Variants in JAZF1 observed in about 807,000 individuals in gnomAD.
The protein encoded by JAZF1 is JAZF zinc finger 1.
Under a neutral mutation model 26.4 loss-of-function variants are expected in JAZF1, and 8 were observed. The ratio of observed to expected loss-of-function variants is 0.30; its 90% CI spans 0.18 to 0.55. JAZF1 has a LOEUF of 0.55. Ranked by LOEUF, JAZF1 falls within the 20% of genes least tolerant of loss-of-function variation. JAZF1 has a pLI of 0.94. For missense variants in JAZF1, 199 were observed against 322.0 expected, an observed-to-expected ratio of 0.62 and a Z score of 2.92; for synonymous variants, 126 against 122.3, an observed-to-expected ratio of 1.03 and a Z score of -0.20.
intron 1 of JAZF1, among the ~76,000 whole-genome samples, chr7:28,109,343 T>C (rs1281766115): frequency 6.6e-6 from 1 of 152,174 alleles, no homozygotes; most frequent in Non-Finnish European, 1.5e-5. Context: ...TCACTTTTAA[T>C]TCATCAGTGA....
chr7:28,148,835 C>A (rs751419754), intron 1 of JAZF1, among the ~76,000 whole-genome samples: 3 of 152,206 alleles, frequency 2.0e-5, no homozygotes, highest in Non-Finnish European at 2.9e-5. Flanking sequence ...AGGCAGGATT[C>A]ACTGATTCAC....
At chr7:28,140,175 C>T (rs1782942409) in intron 1 of JAZF1, among the ~76,000 whole-genome samples, 1 of 151,764 alleles carries the variant, frequency 6.6e-6, no homozygotes. Flanking sequence ...CTTCAGCTCC[C>T]CGGTTCCAGC....
At chr7:27,948,337 G>C (rs564979163) in intron 2 of JAZF1, among the ~76,000 whole-genome samples, 10 of 152,256 alleles carry the variant, frequency 6.6e-5, no homozygotes, top group African/African-American at 2.4e-4. Context: ...TGTGGCATTT[G>C]GTAAAATTTA....
At chr7:27,852,589 G>A (rs954631450) in intron 3 of JAZF1, among the ~76,000 whole-genome samples, 6 of 152,182 alleles carry the variant, frequency 3.9e-5, no homozygotes, top group Non-Finnish European at 7.3e-5. Context: ...GACCAACACA[G>A]TGTTGGCCAG....
intron 1 of JAZF1, among the ~76,000 whole-genome samples, chr7:28,131,604 C>G: frequency 6.6e-6 from 1 of 152,200 alleles, no homozygotes; most frequent in East Asian, 1.9e-4. Context: ...AATACATGGA[C>G]TAAGCTCTGT....
chr7:27,838,755 C>A (rs1782866594), intron 4 of JAZF1, among the ~76,000 whole-genome samples: 2 of 152,194 alleles, frequency 1.3e-5, no homozygotes, highest in Non-Finnish European at 2.9e-5. Context: ...CAGCTCATCT[C>A]CAGCGCCTGG....
intron 2 of JAZF1, among the ~76,000 whole-genome samples, chr7:27,913,190 C>T (rs944184085): frequency 6.6e-6 from 1 of 150,740 alleles, no homozygotes; most frequent in African/African-American, 2.4e-5. Flanking sequence ...TACAGAACAG[C>T]ATACATTAAA....
At chr7:28,091,706 T>A (rs187932688) in intron 1 of JAZF1, among the ~76,000 whole-genome samples, 1 of 151,726 alleles carries the variant, frequency 6.6e-6, no homozygotes, top group Admixed American at 6.6e-5. Flanking sequence ...GGAAAATCTG[T>A]TTAATGTAAA....
chr7:28,126,194 A>G (rs1782690548), intron 1 of JAZF1, among the ~76,000 whole-genome samples: 1 of 152,170 alleles, frequency 6.6e-6, no homozygotes, highest in Admixed American at 6.5e-5. Flanking sequence ...TCCAGACAAA[A>G]GCAATGTGCT....
intron 2 of JAZF1, among the ~76,000 whole-genome samples, chr7:27,904,709 T>A (rs949220602): frequency 3.3e-5 from 5 of 150,142 alleles, no homozygotes; most frequent in Non-Finnish European, 7.4e-5. Flanking sequence ...AAAATTCTAA[T>A]GAAAAATAAT....
intron 2 of JAZF1, among the ~76,000 whole-genome samples, chr7:27,910,711 C>G (rs1193353844): frequency 6.6e-6 from 1 of 152,198 alleles, no homozygotes; most frequent in Non-Finnish European, 1.5e-5. Flanking sequence ...AAACCCATTA[C>G]TTGCGTATGC....
intron 1 of JAZF1, among the ~76,000 whole-genome samples, chr7:28,161,954 G>T (rs947318095): frequency 4.6e-5 from 7 of 152,100 alleles, no homozygotes; most frequent in Non-Finnish European, 7.3e-5. Flanking sequence ...TTCCGAGAGG[G>T]TCAAATGAGA....
chr7:28,047,234 TTCTC>T (rs1337325355), intron 1 of JAZF1, among the ~76,000 whole-genome samples: 4 of 152,162 alleles, frequency 2.6e-5, no homozygotes, highest in Non-Finnish European at 1.5e-5. Context: ...TCTTTATGGA[TTCTC>T]CATAGGATAT....
chr7:27,943,053 C>T (rs550198349), intron 2 of JAZF1, among the ~76,000 whole-genome samples: 6 of 152,292 alleles, frequency 3.9e-5, no homozygotes, highest in East Asian at 1.9e-4. Context: ...CACATCGATG[C>T]GTTCCTGCCT....
chr7:27,931,825 A>C (rs1483590484), intron 2 of JAZF1, among the ~76,000 whole-genome samples: 2 of 152,084 alleles, frequency 1.3e-5, no homozygotes, highest in Non-Finnish European at 2.9e-5. Flanking sequence ...ACCTGGGAGA[A>C]CTGCTTGAAC....
chr7:28,179,900 G>C (rs1476246878), intron 1 of JAZF1, among the ~76,000 whole-genome samples: 1 of 146,502 alleles, frequency 6.8e-6, no homozygotes, highest in African/African-American at 2.5e-5. Flanking sequence ...TGGCTGCCGC[G>C]GTGGAGCCAC....
intron 1 of JAZF1, among the ~76,000 whole-genome samples, chr7:28,029,582 G>C (rs185780360): frequency 6.6e-6 from 1 of 152,160 alleles, no homozygotes; most frequent in Non-Finnish European, 1.5e-5. Flanking sequence ...AGAATGAAAG[G>C]CTACATGGGA....
At chr7:28,110,254 C>T (rs1784620873) in intron 1 of JAZF1, among the ~76,000 whole-genome samples, 1 of 151,764 alleles carries the variant, frequency 6.6e-6, no homozygotes, top group Non-Finnish European at 1.5e-5. Context: ...AGTGAAACCC[C>T]ATTTCTGATA....
rs921404625 is a variant in JAZF1 at position 28,000,354 on chromosome 7, G to A, written c.116-8373C>T. Reference sequence around the variant, plus strand: ...GCTGCTGAACACCCTACATACGCACGCAGAGTAGCGCCTACAACAAAGAGT... The same window carrying A: ...GCTGCTGAACACCCTACATACGCACACAGAGTAGCGCCTACAACAAAGAGT... On this transcript the variant is annotated intron_variant, in intron 1 of 4. Transcript: ENST00000283928. 4.6e-5 allele frequency among the ~76,000 whole-genome samples: 7 copies of A among 152,228 alleles called. No homozygotes were observed. The East Asian group carries it at 5.8e-4, about 13-fold the overall frequency.
Sources: gnomAD v4.1 joint callset for allele counts (sites outside exome capture counted in the v4.1 genomes callset) on GRCh38, gnomAD v4.1.1 for gene constraint, MANE v1.5 for transcripts, NCBI Gene and HGNC (gene_info 2026-07-23, HGNC 2026-07-21) for gene names.